The following REPS1 variants were observed in gnomAD, a reference collection of about 807,000 sequenced individuals.
REPS1 encodes the protein RALBP1 associated Eps domain containing 1.
In REPS1, 39 loss-of-function variants were observed where a neutral mutation model predicts 100.9. The ratio of observed to expected loss-of-function variants is 0.39; its 90% CI spans 0.30 to 0.50. REPS1 has a LOEUF of 0.50. Among genes scored for constraint, REPS1 ranks in the 20% least tolerant of loss-of-function variants. REPS1 has a pLI of 0.86. For synonymous variants in REPS1, 324 were observed against 340.3 expected (o/e 0.95, Z 0.53); for missense variants, 821 against 968.5 (o/e 0.85, Z 2.02).
intron 1 of REPS1, among the ~76,000 whole-genome samples, chr6:138,955,969 A>G (rs975820157): frequency 2.6e-5 from 4 of 152,212 alleles, no homozygotes; most frequent in African/African-American, 9.7e-5. Flanking sequence ...TACCCTGATC[A>G]TAGTGGACTT....
chr6:138,955,714 TAAAC>T (rs1448932575), intron 1 of REPS1, among the ~76,000 whole-genome samples: 2 of 152,062 alleles, frequency 1.3e-5, no homozygotes, highest in Non-Finnish European at 2.9e-5. Flanking sequence ...GGAAAAAAGA[TAAAC>T]TAGACTGTAG....
rs144815943 is a variant in REPS1 at position 138,912,957 on chromosome 6, A to G, written c.1786-7T>C. On this transcript the variant is annotated splice_polypyrimidine_tract_variant and splice_region_variant and intron_variant, in intron 15 of 19. Transcript: ENST00000450536. ...GCACAGCAGGACCAGGAGCCTGTGC[A>G]ATGGTTCAGAACAGAGGAACACACA... 1.3e-4 allele frequency: 214 copies of G among 1,611,312 alleles called. No homozygotes were observed. In the African/African-American group the frequency reaches 1.8e-3, roughly 14 times the overall value.
In REPS1 at chr6:138,979,815, C is replaced by G. The variant is rs184069382; in HGVS notation, c.153+7715G>C. ...CCTCAGGATTCCAGTTCTAGTCAAT[C>G]TTTCTCTCTTCTTTATAATCTTTTC... On this transcript the variant is annotated intron_variant, in intron 1 of 19. Coordinates refer to ENST00000450536, the MANE Select transcript of REPS1 (RefSeq NM_001286611.2). Among the ~76,000 whole-genome samples, 834 of 152,292 alleles carry G rather than the reference C, an allele frequency of 5.5e-3. 20 individuals carry two copies. The highest frequency in any genetic ancestry group is 0.049 in the Admixed American group (748 of 15,296).
At chr6:138,958,184 C>G (rs7775630) in intron 1 of REPS1, among the ~76,000 whole-genome samples, 96,682 of 151,998 alleles carry the variant, frequency 0.64, 32,560 homozygotes, top group East Asian at 0.87. Flanking sequence ...GATAAACCTA[C>G]ATAAAGTGGA....
At chr6:138,969,859 A>ATT (rs56070030) in intron 1 of REPS1, among the ~76,000 whole-genome samples, 13,206 of 94,278 alleles carry the variant, frequency 0.14, 1,582 homozygotes, top group South Asian at 0.35. Context: ...GTGAATTGGG[A>ATT]TTTTTTTTTT....
At chr6:138,915,999 A>G (rs752295000) in intron 13 of REPS1, 23 bp from the exon 14 acceptor site, 2 of 1,530,778 alleles carry the variant, frequency 1.3e-6, no homozygotes, top group South Asian at 2.2e-5. Flanking sequence ...CCCCATGATA[A>G]TTGGTCATAC....
chr6:138,909,037 G>A (rs1779843575), intron 17 of REPS1: 2 of 492,872 alleles, frequency 4.1e-6, no homozygotes, highest in Admixed American at 7.8e-5. Flanking sequence ...TGCAATATAA[G>A]TATTTTTAGA....
chr6:138,982,446 A>G (rs1785006839), intron 1 of REPS1, among the ~76,000 whole-genome samples: 1 of 152,248 alleles, frequency 6.6e-6, no homozygotes, highest in South Asian at 2.1e-4. Flanking sequence ...TATGCATTCA[A>G]AGTCTGTATG....
chr6:138,942,464 C>CA (rs1276298835), intron 7 of REPS1, among the ~76,000 whole-genome samples: 1 of 152,034 alleles, frequency 6.6e-6, no homozygotes, highest in Non-Finnish European at 1.5e-5. Context: ...ATTTTTGAGA[C>CA]AGAGTCTCAC....
rs529263097 is a variant in REPS1 at position 138,914,703 on chromosome 6, G to A, written c.1779C>T (p.Pro593=). ...HPPAVPPRPQ[P]SQAPGPAVHR... ...AAATACCTTGGAGAATTACCTGTGA[G>A]GGCTGTGGTCTTGGAGGCACTGCAG... The change falls in exon 15 of 20, where the codon CCC becomes CCT. Residue 593 remains proline, a synonymous_variant. Coordinates refer to ENST00000450536, the MANE Select transcript of REPS1 (RefSeq NM_001286611.2). 1.5e-5 allele frequency: 25 copies of A among 1,613,070 alleles called. No homozygotes were observed. In the South Asian group the frequency reaches 2.5e-4, roughly 16 times the overall value.
At chr6:138,944,106 C>T (rs1006964348) in intron 5 of REPS1, 91 bp from the exon 6 acceptor site, 66 of 1,256,306 alleles carry the variant, frequency 5.3e-5, no homozygotes, top group Non-Finnish European at 1.1e-5. Context: ...GAAAGTAAAA[C>T]TTGCTTTTTG....
intron 1 of REPS1, among the ~76,000 whole-genome samples, chr6:138,978,931 C>T (rs1784753809): frequency 6.6e-6 from 1 of 151,996 alleles, no homozygotes; most frequent in African/African-American, 2.4e-5. Context: ...GCCTGTAATC[C>T]CAGCACTTTG....
At chr6:138,931,328 A>G (rs1450898793) in intron 8 of REPS1, among the ~76,000 whole-genome samples, 1 of 152,194 alleles carries the variant, frequency 6.6e-6, no homozygotes, top group Non-Finnish European at 1.5e-5. Context: ...GCACTCAGGT[A>G]TTTACTGAAT....
At chr6:138,918,340 C>A (rs1003508878) in intron 12 of REPS1, among the ~76,000 whole-genome samples, 2 of 152,146 alleles carry the variant, frequency 1.3e-5, no homozygotes, top group African/African-American at 2.4e-5. Flanking sequence ...AGGTTACATG[C>A]AAATACTACA....
chr6:138,985,863 T>C (rs1033700408), intron 1 of REPS1, among the ~76,000 whole-genome samples: 5 of 152,230 alleles, frequency 3.3e-5, no homozygotes, highest in Admixed American at 6.5e-5. Context: ...ATTAAAAAGA[T>C]TGAAAGTTTT....
At chr6:138,982,121 A>C (rs1215076420) in intron 1 of REPS1, among the ~76,000 whole-genome samples, 1 of 152,238 alleles carries the variant, frequency 6.6e-6, no homozygotes, top group Non-Finnish European at 1.5e-5. Context: ...ACTAAAAACC[A>C]CTACTCCAGA....
At chr6:138,976,525 C>T (rs1784612390) in intron 1 of REPS1, among the ~76,000 whole-genome samples, 1 of 152,152 alleles carries the variant, frequency 6.6e-6, no homozygotes, top group African/African-American at 2.4e-5. Flanking sequence ...TAGACTGAAA[C>T]TACTATTTCA....
intron 2 of REPS1, among the ~76,000 whole-genome samples, chr6:138,946,632 C>T (rs9495288): frequency 0.23 from 35,272 of 151,980 alleles, 4,855 homozygotes; most frequent in African/African-American, 0.39. Flanking sequence ...AAACCTCTAC[C>T]GACCAATAAA....
At chr6:138,955,076 T>C (rs998773669) in intron 1 of REPS1, among the ~76,000 whole-genome samples, 5 of 152,318 alleles carry the variant, frequency 3.3e-5, no homozygotes, top group East Asian at 1.9e-4. Context: ...ACAAATAATA[T>C]TGTAAACATT....
Sources: gnomAD v4.1 joint callset for allele counts (sites outside exome capture counted in the v4.1 genomes callset) on GRCh38, gnomAD v4.1.1 for gene constraint, MANE v1.5 for transcripts, NCBI Gene and HGNC (gene_info 2026-07-23, HGNC 2026-07-21) for gene names.